The following LYPLAL1 variants were observed in gnomAD, a reference collection of about 807,000 sequenced individuals.
LYPLAL1 encodes the protein lysophospholipase like 1.
LYPLAL1 carries 23 observed loss-of-function variants against 19.7 expected under a neutral mutation model. That is an observed-to-expected ratio of 1.17 (90% confidence interval 0.84 to 1.65). The LOEUF (loss-of-function observed/expected upper bound fraction) is 1.65, where lower values mean the gene tolerates loss of function less well. LYPLAL1 is among the 40% of genes most tolerant of loss of function. The probability of loss-of-function intolerance (pLI) is 0.00; values close to 1 mark genes in which losing one functional copy is unlikely to be tolerated. For missense variants in LYPLAL1, 355 were observed against 279.4 expected (o/e 1.27, Z -1.93); for synonymous variants, 119 against 96.3 (o/e 1.24, Z -1.38).
chr1:219,441,962 A>C, the LYPLAL1 span, among the ~76,000 whole-genome samples: 320 of 152,324 alleles, frequency 2.1e-3, 1 homozygote, highest in Non-Finnish European at 3.3e-3. Flanking sequence ...AATTCCAAAA[A>C]TACAGAAAAT....
the LYPLAL1 span, among the ~76,000 whole-genome samples, chr1:219,305,579 A>G: frequency 2.0e-5 from 3 of 152,204 alleles, no homozygotes; most frequent in African/African-American, 4.8e-5. Context: ...ATAACAGTGC[A>G]TGTCTTAAAC....
At chr1:219,324,681 A>T in the LYPLAL1 span, among the ~76,000 whole-genome samples, 6 of 152,092 alleles carry the variant, frequency 3.9e-5, no homozygotes, top group African/African-American at 1.2e-4. Flanking sequence ...ATGGATGGTG[A>T]GTGAAATACA....
At chr1:219,286,431 G>A in the LYPLAL1 span, among the ~76,000 whole-genome samples, 1 of 152,260 alleles carries the variant, frequency 6.6e-6, no homozygotes, top group Admixed American at 6.5e-5. Flanking sequence ...CAATTTCATA[G>A]CAATAGCTAT....
downstream of LYPLAL1, among the ~76,000 whole-genome samples, chr1:219,215,931 T>A (rs1558251597): frequency 2.0e-5 from 3 of 152,290 alleles, no homozygotes; most frequent in East Asian, 5.8e-4. Context: ...AGCTAAATGA[T>A]CCTTTAAAAA....
At chr1:219,174,879 G>A in intron 1 of LYPLAL1, 2 of 984,904 alleles carry the variant, frequency 2.0e-6, no homozygotes, top group Non-Finnish European at 2.4e-6. Flanking sequence ...AGTCAGCAGT[G>A]CATGGAAGAT....
At chr1:219,387,348 A>G in the LYPLAL1 span, among the ~76,000 whole-genome samples, 25 of 152,220 alleles carry the variant, frequency 1.6e-4, no homozygotes, top group Non-Finnish European at 2.8e-4. Context: ...AATTAAAAGG[A>G]AAGAAATTAA....
At chr1:219,410,702 G>A in the LYPLAL1 span, among the ~76,000 whole-genome samples, 1 of 152,136 alleles carries the variant, frequency 6.6e-6, no homozygotes, top group Admixed American at 6.5e-5. Flanking sequence ...CGGGCCAGCT[G>A]GAGTTCCTGG....
the LYPLAL1 span, among the ~76,000 whole-genome samples, chr1:219,345,241 C>G: frequency 6.6e-6 from 1 of 152,124 alleles, no homozygotes. Flanking sequence ...AAAATAAACT[C>G]TCATGAGAAT....
chr1:219,197,910 C>T (rs897514576), intron 3 of LYPLAL1, among the ~76,000 whole-genome samples: 1 of 152,080 alleles, frequency 6.6e-6, no homozygotes, highest in Non-Finnish European at 1.5e-5. Flanking sequence ...GTTTGAGCAC[C>T]TATATTTTCT....
chr1:219,329,789 TA>T, the LYPLAL1 span, among the ~76,000 whole-genome samples: 2 of 152,136 alleles, frequency 1.3e-5, no homozygotes, highest in Non-Finnish European at 2.9e-5. Flanking sequence ...TGACAGCATA[TA>T]GAAAGAACTT....
the LYPLAL1 span, among the ~76,000 whole-genome samples, chr1:219,356,716 C>G: frequency 6.6e-6 from 1 of 152,080 alleles, no homozygotes; most frequent in Non-Finnish European, 1.5e-5. Flanking sequence ...TTCTTTGACA[C>G]TATGCCAGAA....
At chr1:219,389,607 T>A in the LYPLAL1 span, among the ~76,000 whole-genome samples, 1 of 152,180 alleles carries the variant, frequency 6.6e-6, no homozygotes, top group Non-Finnish European at 1.5e-5. Flanking sequence ...AGAATAACCC[T>A]TATGCTAAAG....
At chr1:219,285,593 A>G in the LYPLAL1 span, among the ~76,000 whole-genome samples, 5 of 152,206 alleles carry the variant, frequency 3.3e-5, no homozygotes, top group Non-Finnish European at 7.4e-5. Flanking sequence ...TGAAAACACT[A>G]TATTAAGCGA....
chr1:219,226,778 G>T, the LYPLAL1 span, among the ~76,000 whole-genome samples: 1 of 152,198 alleles, frequency 6.6e-6, no homozygotes, highest in East Asian at 1.9e-4. Flanking sequence ...TTCAAAAATA[G>T]AAGAGTTAAT....
the LYPLAL1 span, among the ~76,000 whole-genome samples, chr1:219,372,677 A>ATTGT: frequency 6.6e-6 from 1 of 152,136 alleles, no homozygotes; most frequent in Non-Finnish European, 1.5e-5. Context: ...AGGCAGGTGG[A>ATTGT]TTGTTTGAGC....
At chr1:219,335,831 T>G in the LYPLAL1 span, among the ~76,000 whole-genome samples, 1 of 151,716 alleles carries the variant, frequency 6.6e-6, no homozygotes, top group Non-Finnish European at 1.5e-5. Context: ...GAGAGACAGA[T>G]ACAAACCCAA....
chr1:219,208,345 T>C (rs1658736030), intron 3 of LYPLAL1, among the ~76,000 whole-genome samples: 2 of 152,138 alleles, frequency 1.3e-5, no homozygotes, highest in African/African-American at 4.8e-5. Context: ...CTTGTTTTAC[T>C]ATAAATGAAA....
chr1:219,246,562 C>T, the LYPLAL1 span, among the ~76,000 whole-genome samples: 3 of 152,124 alleles, frequency 2.0e-5, no homozygotes, highest in African/African-American at 7.2e-5. Flanking sequence ...GCAAATGCCC[C>T]GTTTACAAGT....
chr1:219,208,899 G>T (rs1398470075), intron 3 of LYPLAL1, among the ~76,000 whole-genome samples: 1 of 152,022 alleles, frequency 6.6e-6, no homozygotes, highest in Non-Finnish European at 1.5e-5. Flanking sequence ...ATACTAATTT[G>T]TGTATTTACG....
Sources: gnomAD v4.1 joint callset for allele counts (sites outside exome capture counted in the v4.1 genomes callset) on GRCh38, gnomAD v4.1.1 for gene constraint, MANE v1.5 for transcripts, NCBI Gene and HGNC (gene_info 2026-07-23, HGNC 2026-07-21) for gene names.